SIPA1L1: variants seen among roughly 807,000 people sequenced by gnomAD.
The protein encoded by SIPA1L1 is signal induced proliferation associated 1 like 1, also known as signal-induced proliferation-associated 1-like protein 1.
A neutral mutation model predicts 162.7 loss-of-function variants in SIPA1L1; 26 were observed. The ratio of observed to expected loss-of-function variants is 0.16; its 90% CI spans 0.12 to 0.22. The LOEUF is 0.22. SIPA1L1 is among the 10% of genes least tolerant of loss of function. SIPA1L1 has a pLI of 1.00. For synonymous variants in SIPA1L1, 829 were observed against 837.4 expected (o/e 0.99, Z 0.17); for missense variants, 1,874 against 2,241.0 (o/e 0.84, Z 3.31).
intron 8 of SIPA1L1, among the ~76,000 whole-genome samples, chr14:71,657,255 G>A (rs2043138018): frequency 6.6e-6 from 1 of 151,532 alleles, no homozygotes; most frequent in Non-Finnish European, 1.5e-5. Flanking sequence ...GGCTGAGGCA[G>A]GAGAATCGCT....
intron 2 of SIPA1L1, among the ~76,000 whole-genome samples, chr14:71,492,961 TG>T (rs1358946921): frequency 1.3e-5 from 2 of 152,106 alleles, no homozygotes; most frequent in Admixed American, 1.3e-4. Flanking sequence ...CCTCCTTTTT[TG>T]TTGTCCCGGA....
At chr14:71,552,691 T>C (rs1461677747) in intron 4 of SIPA1L1, among the ~76,000 whole-genome samples, 3 of 152,124 alleles carry the variant, frequency 2.0e-5, no homozygotes, top group Non-Finnish European at 4.4e-5. Flanking sequence ...AAGCTGGTAA[T>C]TTATTGAATG....
At chr14:71,541,353 C>T (rs1316861790) in intron 4 of SIPA1L1, among the ~76,000 whole-genome samples, 1 of 152,090 alleles carries the variant, frequency 6.6e-6, no homozygotes, top group Non-Finnish European at 1.5e-5. Flanking sequence ...ATAACAATTC[C>T]TCTTTAAGGA....
intron 3 of SIPA1L1, among the ~76,000 whole-genome samples, chr14:71,523,726 GC>G (rs1046857766): frequency 6.6e-6 from 1 of 152,098 alleles, no homozygotes; most frequent in African/African-American, 2.4e-5. Context: ...AAAGAGCTTG[GC>G]CTTCTCTTCC....
intron 17 of SIPA1L1, among the ~76,000 whole-genome samples, chr14:71,710,632 A>G (rs1371930158): frequency 6.6e-6 from 1 of 152,064 alleles, no homozygotes; most frequent in Non-Finnish European, 1.5e-5. Flanking sequence ...ACATGGTGAA[A>G]CCCCGTCTCT....
At chr14:71,561,838 C>T (rs2056820738) in intron 4 of SIPA1L1, among the ~76,000 whole-genome samples, 1 of 152,226 alleles carries the variant, frequency 6.6e-6, no homozygotes, top group African/African-American at 2.4e-5. Context: ...CTGCCTGCCT[C>T]AGCCTCCCAA....
intron 2 of SIPA1L1, among the ~76,000 whole-genome samples, chr14:71,477,390 A>G (rs974548521): frequency 2.0e-5 from 3 of 152,128 alleles, no homozygotes; most frequent in African/African-American, 4.8e-5. Flanking sequence ...AAACAAAAAA[A>G]ACAAAAACGC....
At chr14:71,414,055 G>A (rs2042589681) in intron 2 of SIPA1L1, 1 of 152,126 alleles carries the variant, frequency 6.6e-6, no homozygotes, top group African/African-American at 2.4e-5. Flanking sequence ...TTGCAGGGAG[G>A]AAATGTCACT....
At chr14:71,432,899 G>A (rs2044101840) in intron 2 of SIPA1L1, among the ~76,000 whole-genome samples, 1 of 152,136 alleles carries the variant, frequency 6.6e-6, no homozygotes, top group South Asian at 2.1e-4. Flanking sequence ...GGGCTGCTAT[G>A]GAAATAGGAA....
At chr14:71,720,173 G>A (rs1421982347) in intron 17 of SIPA1L1, among the ~76,000 whole-genome samples, 3 of 152,056 alleles carry the variant, frequency 2.0e-5, no homozygotes, top group Non-Finnish European at 4.4e-5. Context: ...CTTGTACCTG[G>A]ATATTTATAT....
At position 71,517,388 on chromosome 14, in the gene SIPA1L1, T is replaced by G. The variant is rs144699580; in HGVS notation, c.-362+4543T>G. Among the ~76,000 whole-genome samples the G allele has an allele frequency of 3.6e-3, 555 of 152,352 alleles. 2 individuals are homozygous for G. The highest frequency in any genetic ancestry group is 0.013 in the African/African-American group (525 of 41,586). On this transcript the variant is annotated intron_variant, in intron 3 of 23. Coordinates refer to ENST00000381232, the MANE Select transcript of SIPA1L1 (RefSeq NM_001386936.1). ...TGTCCCCTTGAGTTTTTTCACTTGA[T>G]GCATTTAACATCATGGTTCACTGAT...
chr14:71,587,256 A>G (rs2034731789), intron 4 of SIPA1L1, among the ~76,000 whole-genome samples: 1 of 152,176 alleles, frequency 6.6e-6, no homozygotes, highest in Non-Finnish European at 1.5e-5. Flanking sequence ...TTGGAGCAAA[A>G]GTCTGTACTT....
intron 12 of SIPA1L1, among the ~76,000 whole-genome samples, chr14:71,677,906 G>C (rs1460299126): frequency 6.6e-6 from 1 of 152,138 alleles, no homozygotes; most frequent in Non-Finnish European, 1.5e-5. Flanking sequence ...GTCAAATAGC[G>C]TGATGCCTCC....
chr14:71,533,717 T>A (rs1408174009), intron 4 of SIPA1L1, among the ~76,000 whole-genome samples: 1 of 152,222 alleles, frequency 6.6e-6, no homozygotes, highest in African/African-American at 2.4e-5. Flanking sequence ...CACTTTCATT[T>A]TGGAGTTGTT....
Position 71,400,030 on chromosome 14 carries a change from G to T in SIPA1L1, c.-465+78849G>T, listed in dbSNP as rs1020851028. 2.6e-5 allele frequency among the ~76,000 whole-genome samples: 4 copies of T among 151,356 alleles called. No homozygotes were observed. In the East Asian group the frequency reaches 7.9e-4, roughly 30 times the overall value. ...TTTAGAGTTGGGATTTCACCATGTT[G>T]CCCAGGCTGGTCTCAAACTCCTGGG... On this transcript the variant is annotated intron_variant, in intron 2 of 23. Transcript: ENST00000381232.
At chr14:71,559,954 A>G (rs1041860457) in intron 4 of SIPA1L1, among the ~76,000 whole-genome samples, 2 of 152,080 alleles carry the variant, frequency 1.3e-5, no homozygotes, top group African/African-American at 2.4e-5. Flanking sequence ...TTAACACACT[A>G]AATTTATGCT....
At chr14:71,490,711 T>G (rs1483320920) in intron 2 of SIPA1L1, among the ~76,000 whole-genome samples, 2 of 152,224 alleles carry the variant, frequency 1.3e-5, no homozygotes, top group African/African-American at 4.8e-5. Context: ...GAAACACTTG[T>G]GGAAACATTT....
At chr14:71,437,841 T>C (rs1261217601) in intron 2 of SIPA1L1, among the ~76,000 whole-genome samples, 2 of 152,244 alleles carry the variant, frequency 1.3e-5, no homozygotes, top group African/African-American at 4.8e-5. Context: ...GGTAAAAGTT[T>C]AGAGAGCTTG....
intron 12 of SIPA1L1, among the ~76,000 whole-genome samples, chr14:71,681,376 A>G (rs1178137780): frequency 6.6e-6 from 1 of 152,358 alleles, no homozygotes; most frequent in South Asian, 2.1e-4. Context: ...ATGGTATTGC[A>G]TAGAGTGGTC....
Sources: gnomAD v4.1 joint callset for allele counts (sites outside exome capture counted in the v4.1 genomes callset) on GRCh38, gnomAD v4.1.1 for gene constraint, MANE v1.5 for transcripts, NCBI Gene and HGNC (gene_info 2026-07-23, HGNC 2026-07-21) for gene names.